The following MLLT3 variants were observed in gnomAD, a reference collection of about 807,000 sequenced individuals.
The protein encoded by MLLT3 is protein AF-9.
A neutral mutation model predicts 53.2 loss-of-function variants in MLLT3; 4 were observed. The observed-to-expected ratio is 0.08, with a 90% CI of 0.04 to 0.17. The LOEUF (loss-of-function observed/expected upper bound fraction) is 0.17. Among genes scored for constraint, MLLT3 ranks in the 10% least tolerant of loss-of-function variants. The probability of loss-of-function intolerance (pLI) is 1.00; values close to 1 mark genes in which losing one functional copy is unlikely to be tolerated. For missense variants in MLLT3, 569 were observed against 684.0 expected (o/e 0.83, Z 1.87); for synonymous variants, 283 against 230.6 (o/e 1.23, Z -2.06).
intron 2 of MLLT3, among the ~76,000 whole-genome samples, chr9:20,574,713 G>A (rs1432948854): frequency 1.3e-5 from 2 of 152,234 alleles, no homozygotes; most frequent in East Asian, 1.9e-4. Context: ...TCAGGGTGGT[G>A]GGTGATGAAG....
chr9:20,621,631 G>C lies in MLLT3; in HGVS notation c.12+614C>G. The C allele has an allele frequency of 1.3e-6, 1 of 793,850 alleles. No individual in the cohort carries two copies. Among genetic ancestry groups the C allele is most frequent in the African/African-American group, 1.9e-5 (1 of 53,782 alleles). The allele number at this position is 793,850 out of a possible 1,614,324, so 49.2% of individuals were successfully genotyped here. On this transcript the variant is annotated intron_variant, in intron 1 of 10. Coordinates refer to ENST00000380338, the MANE Select transcript of MLLT3 (RefSeq NM_004529.4). The surrounding 1 kb of genome is among the most constrained non-coding windows in gnomAD (Gnocchi z 7.0). ...ACCTCCCCCCAAAAAATGAAATTCA[G>C]AAAGGCAGGGCGGCGGGCGGACAGC...
rs1038437461 is a variant in MLLT3 at position 20,621,147 on chromosome 9, CACG to C, written c.13-316_13-314del. Among the ~76,000 whole-genome samples the C allele has an allele frequency of 9.2e-5, 14 of 152,202 alleles. No homozygotes were observed. The highest frequency in any genetic ancestry group is 3.4e-4 in the African/African-American group (14 of 41,464). On this transcript the variant is annotated intron_variant, in intron 1 of 10. Transcript: ENST00000380338. The surrounding 1 kb of genome is among the most constrained non-coding windows in gnomAD (Gnocchi z 7.0). ...GGAGAACACACTCAGCCACGACAAG[CACG>C]ACAACAAATGCATCGGAAACAAATC...
chr9:20,344,493 A>G lies in MLLT3; in HGVS notation c.*1950T>C, dbSNP rs1415944812. On this transcript the variant is annotated 3_prime_UTR_variant, in exon 11 of 11. Coordinates refer to ENST00000380338, the MANE Select transcript of MLLT3 (RefSeq NM_004529.4). ...AACCACACAATTCATCAATCACCTAATGTCCAAAATGACTCAAAGTTTCTC... is the reference window on the plus strand; with the variant it reads ...AACCACACAATTCATCAATCACCTAGTGTCCAAAATGACTCAAAGTTTCTC... 1 of 218,958 alleles carries G rather than the reference A, an allele frequency of 4.6e-6. No homozygotes were observed. Among genetic ancestry groups the G allele is most frequent in the African/African-American group, 2.2e-5 (1 of 44,588 alleles). 13.6% of individuals were successfully genotyped at this position (218,958 alleles called of 1,614,324 possible).
intron 2 of MLLT3, among the ~76,000 whole-genome samples, chr9:20,469,029 C>G (rs572038035): frequency 6.6e-6 from 1 of 152,178 alleles, no homozygotes; most frequent in Admixed American, 6.5e-5. Flanking sequence ...TAAAGGAATA[C>G]TAAATAAAAC....
chr9:20,384,664 T>G (rs1458505243), intron 5 of MLLT3, among the ~76,000 whole-genome samples: 1 of 152,122 alleles, frequency 6.6e-6, no homozygotes, highest in Non-Finnish European at 1.5e-5. Context: ...TTAAGATTTC[T>G]TCCCATGTGA....
chr9:20,454,259 A>G (rs1448106575), intron 3 of MLLT3, among the ~76,000 whole-genome samples: 1 of 151,836 alleles, frequency 6.6e-6, no homozygotes, highest in Non-Finnish European at 1.5e-5. Context: ...GTGTGTGCAC[A>G]CGCATGCGTG....
At chr9:20,586,141 G>T (rs369606956) in intron 2 of MLLT3, among the ~76,000 whole-genome samples, 1 of 152,058 alleles carries the variant, frequency 6.6e-6, no homozygotes, top group South Asian at 2.1e-4. Context: ...ACATAGCGAG[G>T]CTTCATCTCT....
chr9:20,465,500 C>T, intron 2 of MLLT3, among the ~76,000 whole-genome samples: 1 of 64,838 alleles, frequency 1.5e-5, no homozygotes, highest in East Asian at 5.9e-4. Flanking sequence ...TTATCAATTG[C>T]ATAGGGTGAT....
intron 8 of MLLT3, among the ~76,000 whole-genome samples, chr9:20,356,736 A>G (rs972319538): frequency 6.6e-6 from 1 of 152,152 alleles, no homozygotes; most frequent in Admixed American, 6.5e-5. Flanking sequence ...AGGTTTAGAG[A>G]GTTCTGCCAC....
chr9:20,478,639 G>A (rs1383093761), intron 2 of MLLT3, among the ~76,000 whole-genome samples: 1 of 152,150 alleles, frequency 6.6e-6, no homozygotes, highest in Admixed American at 6.5e-5. Flanking sequence ...TATAGCTATG[G>A]CAAGGTGAAA....
chr9:20,345,027 T>C lies in MLLT3; in HGVS notation c.*1416A>G, dbSNP rs1174297662. 4 of 215,680 alleles carry C rather than the reference T, an allele frequency of 1.9e-5. No homozygotes were observed. Among genetic ancestry groups the C allele is most frequent in the Non-Finnish European group, 1.9e-5 (2 of 107,010 alleles). 13.4% of individuals were successfully genotyped at this position (215,680 alleles called of 1,614,324 possible). The stretch of plus-strand genomic sequence containing the variant: ...TTCTTACTTTTCATTTCTCCACTTA[T>C]GGAGAAGATGGAATAATGACACCAA... On this transcript the variant is annotated 3_prime_UTR_variant, in exon 11 of 11. Coordinates refer to ENST00000380338, the MANE Select transcript of MLLT3 (RefSeq NM_004529.4).
rs1820766158 is a variant in MLLT3 at position 20,342,727 on chromosome 9, A to G, written c.*3716T>C. 2 of 203,054 alleles carry G rather than the reference A, an allele frequency of 9.8e-6. No individual in the cohort carries two copies. The highest frequency in any genetic ancestry group is 2.0e-5 in the Non-Finnish European group (2 of 99,254). 12.6% of individuals were successfully genotyped at this position (203,054 alleles called of 1,614,324 possible). On this transcript the variant is annotated 3_prime_UTR_variant, in exon 11 of 11. Transcript: ENST00000380338. ...TTCCAGCCCGAGACTAAACTAAACCATGGGAATTGACTCCTTAACATTCAC... is the reference window on the plus strand; with the variant it reads ...TTCCAGCCCGAGACTAAACTAAACCGTGGGAATTGACTCCTTAACATTCAC...
intron 5 of MLLT3, among the ~76,000 whole-genome samples, chr9:20,395,997 C>T (rs1339660207): frequency 6.6e-6 from 1 of 152,092 alleles, no homozygotes; most frequent in Admixed American, 6.6e-5. Context: ...AAAGCAGAAT[C>T]CCTACCTTTA....
intron 2 of MLLT3, among the ~76,000 whole-genome samples, chr9:20,515,888 T>A (rs1022370068): frequency 6.6e-6 from 1 of 152,172 alleles, no homozygotes; most frequent in African/African-American, 2.4e-5. Flanking sequence ...GGGGAGTATG[T>A]CTGAAGAAAA....
At chr9:20,350,921 TG>T (rs1821011012) in intron 10 of MLLT3, among the ~76,000 whole-genome samples, 1 of 152,152 alleles carries the variant, frequency 6.6e-6, no homozygotes, top group South Asian at 2.1e-4. Flanking sequence ...CTTCGCTGTG[TG>T]GGGAGTAATG....
intron 2 of MLLT3, among the ~76,000 whole-genome samples, chr9:20,552,583 C>T (rs1818951442): frequency 6.6e-6 from 1 of 152,020 alleles, no homozygotes; most frequent in African/African-American, 2.4e-5. Context: ...AGAACAGAAC[C>T]TATGAGCCCA....
At chr9:20,574,876 T>G (rs1217384875) in intron 2 of MLLT3, among the ~76,000 whole-genome samples, 1 of 152,232 alleles carries the variant, frequency 6.6e-6, no homozygotes, top group East Asian at 1.9e-4. Flanking sequence ...CTGAAGTCAA[T>G]TATCTCAAAC....
At chr9:20,617,670 T>C (rs1181152239) in intron 2 of MLLT3, among the ~76,000 whole-genome samples, 1 of 152,156 alleles carries the variant, frequency 6.6e-6, no homozygotes, top group Non-Finnish European at 1.5e-5. Flanking sequence ...TGCAGGTAAA[T>C]AGTTTAAAAA....
At chr9:20,507,321 CA>C (rs1469319954) in intron 2 of MLLT3, among the ~76,000 whole-genome samples, 3 of 152,074 alleles carry the variant, frequency 2.0e-5, no homozygotes, top group Admixed American at 6.5e-5. Flanking sequence ...TACAAGGCAC[CA>C]AAAGAAAATC....
Sources: gnomAD v4.1 joint callset for allele counts (sites outside exome capture counted in the v4.1 genomes callset) on GRCh38, gnomAD v4.1.1 for gene constraint, Gnocchi (gnomAD v3.1) non-coding constraint, MANE v1.5 for transcripts, NCBI Gene and HGNC (gene_info 2026-07-23, HGNC 2026-07-21) for gene names.